The following TRIM67 variants were observed in gnomAD, a reference collection of about 807,000 sequenced individuals.
TRIM67 encodes the protein tripartite motif containing 67.
TRIM67 carries 39 observed loss-of-function variants against 71.0 expected under a neutral mutation model. The ratio of observed to expected loss-of-function variants is 0.55; its 90% CI spans 0.43 to 0.72. The LOEUF is 0.72. TRIM67 is among the 30% of genes least tolerant of loss of function. The pLI is 0.00. For synonymous variants in TRIM67, 481 were observed against 473.9 expected (o/e 1.01, Z -0.19); for missense variants, 973 against 1,079.2 (o/e 0.90, Z 1.38).
chr1:231,169,472 T>G (rs1041406856), intron 1 of TRIM67, among the ~76,000 whole-genome samples: 1 of 140,386 alleles, frequency 7.1e-6, no homozygotes, highest in East Asian at 2.4e-4. Flanking sequence ...CTCTGCCTCC[T>G]GGGTTCAAGT....
chr1:231,188,008 C>T (rs1683132299), intron 1 of TRIM67, among the ~76,000 whole-genome samples: 1 of 152,200 alleles, frequency 6.6e-6, no homozygotes, highest in Non-Finnish European at 1.5e-5. Context: ...CTTCCCTGCC[C>T]TGCCAATCCA....
At position 231,218,006 on chromosome 1, in the gene TRIM67, A is replaced by C; in HGVS notation, c.*2566A>C. Reference sequence around the variant, plus strand: ...CAGGAGCCCAGAAGCAATACGGCCGATGCCAGGGACAGCATCCAGCTCTCC... The same window carrying C: ...CAGGAGCCCAGAAGCAATACGGCCGCTGCCAGGGACAGCATCCAGCTCTCC... On this transcript the variant is annotated 3_prime_UTR_variant, in exon 10 of 10. Transcript: ENST00000366653. 2 of 1,199,660 alleles carry C rather than the reference A, an allele frequency of 1.7e-6. No individual in the cohort carries two copies. The highest frequency in any genetic ancestry group is 3.2e-5 in the African/African-American group (2 of 63,148). 74.3% of individuals were successfully genotyped at this position (1,199,660 alleles called of 1,614,324 possible).
In TRIM67 at chr1:231,201,474, G is replaced by A; in HGVS notation, c.1491G>A (p.Leu497=). 1 of 1,613,942 alleles carries A rather than the reference G, an allele frequency of 6.2e-7. No individual in the cohort carries two copies. Among genetic ancestry groups the A allele is most frequent in the Non-Finnish European group, 8.5e-7 (1 of 1,179,878 alleles). ...TGACTTTGGACAGCGAGCCGCTGCT[G>A]CAGGCCATCCACCAGCTGGACTTCA... ...FDLTLDSEPL[L]QAIHQLDFIQ... The change falls in exon 5 of 10, where the codon CTG becomes CTA. Residue 497 remains leucine (L), a synonymous_variant. Transcript: ENST00000366653.
At chr1:231,197,186 T>G (rs1467341709) in intron 1 of TRIM67, among the ~76,000 whole-genome samples, 185 bp from the exon 2 acceptor site, 1 of 152,206 alleles carries the variant, frequency 6.6e-6, no homozygotes, top group African/African-American at 2.4e-5. Context: ...AATCTACCAC[T>G]GTTGGAAAAA....
At chr1:231,213,706 G>A in intron 8 of TRIM67, 109 bp from the exon 9 acceptor site, 1 of 1,347,434 alleles carries the variant, frequency 7.4e-7, no homozygotes, top group Admixed American at 2.5e-5. Flanking sequence ...ACTCCAGCCT[G>A]GGTGACAGAG....
intron 1 of TRIM67, among the ~76,000 whole-genome samples, chr1:231,194,263 GA>G (rs1683310137): frequency 6.6e-6 from 1 of 152,178 alleles, no homozygotes; most frequent in Non-Finnish European, 1.5e-5. Flanking sequence ...ACTTCAACTT[GA>G]AAACTCCTGT....
Position 231,162,581 on chromosome 1 carries a change from G to A in TRIM67, c.-389G>A. 4.5e-6 allele frequency: 1 copy of A among 221,306 alleles called. No homozygotes were observed. Among genetic ancestry groups the A allele is most frequent in the Non-Finnish European group, 8.8e-6 (1 of 113,106 alleles). The allele number at this position is 221,306 out of a possible 1,614,324, so 13.7% of individuals were successfully genotyped here. A position where few individuals can be genotyped will look rare whatever the true frequency, so the allele number is the denominator to read the frequency against. On this transcript the variant is annotated 5_prime_UTR_variant, in exon 1 of 10. Coordinates refer to ENST00000366653, the MANE Select transcript of TRIM67 (RefSeq NM_001004342.5). ...CAGGGGCTGAAGCAGCGAGCGCACA[G>A]CAGCCCGGCCGCTGGTCCTGGGGTG...
intron 7 of TRIM67, among the ~76,000 whole-genome samples, chr1:231,207,713 A>G (rs962544884): frequency 6.6e-6 from 1 of 152,186 alleles, no homozygotes; most frequent in Non-Finnish European, 1.5e-5. Flanking sequence ...TCTGAAAATG[A>G]TGCCACCTGC....
Position 231,216,854 on chromosome 1 carries a change from T to C in TRIM67, c.*1414T>C, listed in dbSNP as rs958942187. 2.1e-5 allele frequency: 21 copies of C among 985,474 alleles called. No individual in the cohort carries two copies. In the African/African-American group the frequency reaches 3.3e-4, roughly 16 times the overall value. 61.0% of individuals were successfully genotyped at this position (985,474 alleles called of 1,614,324 possible). A position where few individuals can be genotyped will look rare whatever the true frequency, so the allele number is the denominator to read the frequency against. Reference sequence around the variant, plus strand: ...TGTTCCCAGGGAACCCTTCCTCTCCTCCCTCCTCTCATCTTCCCAGTCACC... The same window carrying C: ...TGTTCCCAGGGAACCCTTCCTCTCCCCCCTCCTCTCATCTTCCCAGTCACC... On this transcript the variant is annotated 3_prime_UTR_variant, in exon 10 of 10. Transcript: ENST00000366653.
intron 1 of TRIM67, among the ~76,000 whole-genome samples, chr1:231,182,183 T>C (rs1477641889): frequency 2.0e-5 from 3 of 152,172 alleles, no homozygotes; most frequent in Non-Finnish European, 4.4e-5. Context: ...TCTTGCCCGA[T>C]TAAAAACTAA....
intron 1 of TRIM67, among the ~76,000 whole-genome samples, chr1:231,168,887 A>G (rs1271691916): frequency 6.6e-6 from 1 of 152,124 alleles, no homozygotes; most frequent in Non-Finnish European, 1.5e-5. Context: ...TTTCGTAAAA[A>G]CTTTCCAGGG....
rs546016137 is a variant in TRIM67, at chr1:231,209,214, G to T, written c.2087G>T (p.Arg696Leu). The change falls in exon 8 of 10, where the codon CGC (arginine) becomes CTC (leucine). Residue 696 changes from arginine to leucine, a missense_variant. Physicochemically the swap from Arg to Leu is moderately radical, Grantham distance 102. Coordinates refer to ENST00000366653, the MANE Select transcript of TRIM67 (RefSeq NM_001004342.5). The surrounding 1 kb of genome is among the most constrained non-coding windows in gnomAD (Gnocchi z 4.1). ...KAWAMYVDNN[R>L]SWFMHCNSHT... ...TGGGCCATGTATGTGGACAACAACC[G>T]CAGCTGGTTCATGCACTGCAACTCC... 2 of 1,584,266 alleles carry T rather than the reference G, an allele frequency of 1.3e-6. No homozygotes were observed. The highest frequency in any genetic ancestry group is 8.6e-7 in the Non-Finnish European group (1 of 1,160,726).
rs931873330 is a variant in TRIM67 at position 231,220,098 on chromosome 1, G to GA, written c.*4665dup. Reference sequence around the variant, plus strand: ...AGGATTATACAATAACATTTTTAAAGAAAAAAAGTGCAGTCTTTCATCTCT... The same window carrying GA: ...AGGATTATACAATAACATTTTTAAAGAAAAAAAAGTGCAGTCTTTCATCTCT... On this transcript the variant is annotated 3_prime_UTR_variant, in exon 10 of 10. Coordinates refer to ENST00000366653, the MANE Select transcript of TRIM67 (RefSeq NM_001004342.5). The GA allele has an allele frequency of 1.7e-6, 1 of 594,096 alleles. No homozygotes were observed. Among genetic ancestry groups the GA allele is most frequent in the Non-Finnish European group, 2.6e-6 (1 of 382,782 alleles). 36.8% of individuals were successfully genotyped at this position (594,096 alleles called of 1,614,324 possible).
intron 1 of TRIM67, among the ~76,000 whole-genome samples, chr1:231,168,446 A>G (rs1682538110): frequency 6.6e-6 from 1 of 152,228 alleles, no homozygotes; most frequent in Admixed American, 6.5e-5. Context: ...TTACATTTCT[A>G]GATATGGAAT....
chr1:231,168,139 A>AT (rs1682527761), intron 1 of TRIM67, among the ~76,000 whole-genome samples: 2 of 151,540 alleles, frequency 1.3e-5, no homozygotes, highest in African/African-American at 4.8e-5. Context: ...TAATTTTAAA[A>AT]TTTTTTGTAG....
intron 1 of TRIM67, chr1:231,186,123 G>C (rs752110641): frequency 5.2e-6 from 8 of 1,533,076 alleles, no homozygotes; most frequent in African/African-American, 4.1e-5. Context: ...TGAATACATC[G>C]GTGAATGGAT....
At chr1:231,212,160 C>T (rs1006867426) in intron 8 of TRIM67, among the ~76,000 whole-genome samples, 4 of 152,100 alleles carry the variant, frequency 2.6e-5, no homozygotes, top group Non-Finnish European at 4.4e-5. Flanking sequence ...ATGCAAGAAT[C>T]AAAAGAAGCA....
At chr1:231,167,319 C>CCTTTT in intron 1 of TRIM67, among the ~76,000 whole-genome samples, 1 of 51,832 alleles carries the variant, frequency 1.9e-5, no homozygotes, top group South Asian at 4.6e-4. Flanking sequence ...ACTCTAATGT[C>CCTTTT]TTTTTTTTTT....
intron 2 of TRIM67, 104 bp from the exon 3 acceptor site, chr1:231,198,943 T>A (rs978251050): frequency 8.4e-5 from 130 of 1,551,272 alleles, no homozygotes; most frequent in Non-Finnish European, 1.1e-4. Flanking sequence ...AAATCTAGGA[T>A]GAACTTCTCT....
Sources: gnomAD v4.1 joint callset for allele counts (sites outside exome capture counted in the v4.1 genomes callset) on GRCh38, gnomAD v4.1.1 for gene constraint, Gnocchi (gnomAD v3.1) non-coding constraint, MANE v1.5 for transcripts, NCBI Gene and HGNC (gene_info 2026-07-23, HGNC 2026-07-21) for gene names.